SLC9A4: variants seen among roughly 807,000 people sequenced by gnomAD.
SLC9A4 encodes the protein sodium/hydrogen exchanger 4.
In SLC9A4, 63 loss-of-function variants were observed where a neutral mutation model predicts 67.4. The ratio of observed to expected loss-of-function variants is 0.93; its 90% CI spans 0.76 to 1.15. The LOEUF (loss-of-function observed/expected upper bound fraction) is 1.15, where lower values mean the gene tolerates loss of function less well. SLC9A4 is among the 50% of genes most tolerant of loss of function. The probability of loss-of-function intolerance (pLI) is 0.00; values close to 1 mark genes in which losing one functional copy is unlikely to be tolerated. For synonymous variants in SLC9A4, 393 were observed against 367.2 expected, an observed-to-expected ratio of 1.07 and a Z score of -0.80; for missense variants, 1,089 against 987.7, an observed-to-expected ratio of 1.10 and a Z score of -1.38.
chr2:102,525,148 G>A lies in SLC9A4; in HGVS notation c.1943G>A (p.Gly648Glu), dbSNP rs1324070064. 4 of 1,613,782 alleles carry A rather than the reference G, an allele frequency of 2.5e-6. No homozygotes were observed. The highest frequency in any genetic ancestry group is 3.4e-6 in the Non-Finnish European group (4 of 1,179,860). ...AGGAAAGGTCACAGCCTGCCCTGGG[G>A]AAAGCCGGTACATTGGGGCTGGGGA... ...SMRKGHSLPWGKPAGTKNIRY... is the reference protein window; with the variant it reads ...SMRKGHSLPWEKPAGTKNIRY... The change falls in exon 10 of 12, where the codon GGA (glycine) becomes GAA (glutamate). Residue 648 changes from glycine (G) to glutamate (E), a missense_variant. Coordinates refer to ENST00000295269, the MANE Select transcript of SLC9A4 (RefSeq NM_001011552.4).
At chr2:102,517,903 A>G (rs907428141) in intron 8 of SLC9A4, among the ~76,000 whole-genome samples, 4 of 152,184 alleles carry the variant, frequency 2.6e-5, no homozygotes, top group African/African-American at 7.2e-5. Flanking sequence ...CTTTTGGTTT[A>G]TAAGTTGACT....
chr2:102,524,715 C>T (rs1208680868), intron 9 of SLC9A4, among the ~76,000 whole-genome samples: 1 of 152,026 alleles, frequency 6.6e-6, no homozygotes, highest in Non-Finnish European at 1.5e-5. Context: ...AAAAACATGA[C>T]CTGGAAAGGA....
chr2:102,503,362 A>G (rs1446322155), intron 2 of SLC9A4, 86 bp from the exon 3 acceptor site: 1 of 1,257,446 alleles, frequency 8.0e-7, no homozygotes, highest in Non-Finnish European at 1.1e-6. Flanking sequence ...GTATTACTTA[A>G]CTAGACACAA....
At chr2:102,502,745 G>C (rs28650061) in intron 2 of SLC9A4, among the ~76,000 whole-genome samples, 4,858 of 152,346 alleles carry the variant, frequency 0.032, 272 homozygotes, top group African/African-American at 0.11. Context: ...GCTGCAGTGG[G>C]AGCCTGCACT....
At chr2:102,489,833 C>T (rs1188059159) in intron 2 of SLC9A4, among the ~76,000 whole-genome samples, 4 of 152,144 alleles carry the variant, frequency 2.6e-5, no homozygotes, top group Non-Finnish European at 5.9e-5. Flanking sequence ...TGCAAGCTTG[C>T]TAGGTAATTG....
rs143214913 is a variant in SLC9A4, at chr2:102,516,729, G to A, written c.1721+2478G>A. 5.7e-4 allele frequency among the ~76,000 whole-genome samples: 87 copies of A among 152,254 alleles called. 2 individuals carry two copies. The East Asian group carries it at 0.013, about 23-fold the overall frequency. ...GCAATCCTGTGAATAAGTAGAATAT[G>A]CACTTTGATTACTATCTCAAATATG... On this transcript the variant is annotated intron_variant, in intron 8 of 11. Coordinates refer to ENST00000295269, the MANE Select transcript of SLC9A4 (RefSeq NM_001011552.4).
At chr2:102,527,713 TG>T (rs1674696072) in intron 11 of SLC9A4, among the ~76,000 whole-genome samples, 2 of 152,238 alleles carry the variant, frequency 1.3e-5, no homozygotes, top group Non-Finnish European at 2.9e-5. Context: ...TCTGTAAGAA[TG>T]ATCTTTTCCT....
In SLC9A4 at chr2:102,519,855, C is replaced by A; in HGVS notation, c.1722-4C>A. The A allele has an allele frequency of 1.2e-6, 2 of 1,612,886 alleles. No homozygotes were observed. The highest frequency in any genetic ancestry group is 1.1e-5 in the South Asian group (1 of 90,952). The stretch of plus-strand genomic sequence containing the variant: ...GTTTGTCTCTTCTCCAATAATGATT[C>A]CAGGGCCCAGAGGATACAAGGAATC... On this transcript the variant is annotated splice_region_variant and splice_polypyrimidine_tract_variant and intron_variant, in intron 8 of 11. Coordinates refer to ENST00000295269, the MANE Select transcript of SLC9A4 (RefSeq NM_001011552.4).
chr2:102,498,182 A>G (rs1010511111), intron 2 of SLC9A4, among the ~76,000 whole-genome samples: 3 of 152,250 alleles, frequency 2.0e-5, no homozygotes, highest in Admixed American at 2.0e-4. Flanking sequence ...AAATGAACCC[A>G]AAGAAAATCT....
intron 2 of SLC9A4, among the ~76,000 whole-genome samples, chr2:102,498,788 G>A (rs2104428512): frequency 6.6e-6 from 1 of 152,182 alleles, no homozygotes; most frequent in South Asian, 2.1e-4. Context: ...TTTTCTTAAA[G>A]CATGGCTTCA....
chr2:102,475,137 G>T (rs1684300640), intron 1 of SLC9A4, among the ~76,000 whole-genome samples: 1 of 152,214 alleles, frequency 6.6e-6, no homozygotes, highest in African/African-American at 2.4e-5. Context: ...AATTTGCTTA[G>T]TGAATAAGTT....
intron 2 of SLC9A4, among the ~76,000 whole-genome samples, chr2:102,498,436 G>A (rs6543155): frequency 0.77 from 117,157 of 152,206 alleles, 46,208 homozygotes; most frequent in African/African-American, 0.91. Context: ...CAAGCTATGT[G>A]AAAGAGTTTT....
intron 8 of SLC9A4, among the ~76,000 whole-genome samples, chr2:102,516,558 A>G (rs1685282153): frequency 1.3e-5 from 2 of 152,236 alleles, no homozygotes; most frequent in Admixed American, 1.3e-4. Context: ...AGTTCAAGCA[A>G]TTGTTCTACA....
chr2:102,531,168 T>C (rs1373672392), intron 11 of SLC9A4, among the ~76,000 whole-genome samples: 1 of 150,714 alleles, frequency 6.6e-6, no homozygotes, highest in African/African-American at 2.4e-5. Context: ...GTTCACGTCA[T>C]TCTCCTGCCT....
chr2:102,478,348 G>T (rs1684376187), intron 1 of SLC9A4, among the ~76,000 whole-genome samples: 1 of 152,208 alleles, frequency 6.6e-6, no homozygotes, highest in Non-Finnish European at 1.5e-5. Context: ...CCTCTTCAGT[G>T]GCTGACCAGA....
At chr2:102,488,355 C>T (rs1366253344) in intron 2 of SLC9A4, among the ~76,000 whole-genome samples, 2 of 152,066 alleles carry the variant, frequency 1.3e-5, no homozygotes, top group Admixed American at 1.3e-4. Context: ...TGGATGACAT[C>T]CAGCAGAACC....
chr2:102,491,293 T>C lies in SLC9A4; in HGVS notation c.720+11991T>C, dbSNP rs568385048. ...CTGCTTTTTCAACTGAATTTTTTTA[T>C]TTCTCTTCCCATTTGTACTAATGCT... On this transcript the variant is annotated intron_variant, in intron 2 of 11. Transcript: ENST00000295269. 4.0e-5 allele frequency among the ~76,000 whole-genome samples: 6 copies of C among 151,358 alleles called. No individual in the cohort carries two copies. The South Asian group carries it at 1.3e-3, about 32-fold the overall frequency.
chr2:102,490,134 G>T (rs1025343017), intron 2 of SLC9A4, among the ~76,000 whole-genome samples: 1 of 151,942 alleles, frequency 6.6e-6, no homozygotes, highest in African/African-American at 2.4e-5. Flanking sequence ...CAAATAAAGG[G>T]TCAGTAATTA....
chr2:102,530,065 T>C (rs1337234067), intron 11 of SLC9A4, among the ~76,000 whole-genome samples: 1 of 152,142 alleles, frequency 6.6e-6, no homozygotes, highest in African/African-American at 2.4e-5. Context: ...TATTTATAGT[T>C]AGATGAAAAA....
Sources: allele counts gnomAD v4.1 joint callset (sites outside exome capture counted in the v4.1 genomes callset), GRCh38; gene constraint gnomAD v4.1.1; transcripts MANE v1.5; gene names NCBI Gene and HGNC (gene_info 2026-07-23, HGNC 2026-07-21).